HYDIN: variants seen among roughly 807,000 people sequenced by gnomAD.
The protein encoded by HYDIN is axonemal central pair apparatus protein HYDIN.
HYDIN carries 132 observed loss-of-function variants against 403.9 expected under a neutral mutation model. The ratio of observed to expected loss-of-function variants is 0.33; its 90% CI spans 0.28 to 0.38. The LOEUF (loss-of-function observed/expected upper bound fraction) is 0.38, where lower values mean the gene tolerates loss of function less well. Among genes scored for constraint, HYDIN ranks in the 10% least tolerant of loss-of-function variants. The probability of loss-of-function intolerance (pLI) is 1.00; values close to 1 mark genes in which losing one functional copy is unlikely to be tolerated. For missense variants in HYDIN, 2,827 were observed against 5,009.5 expected (o/e 0.56, Z 13.15); for synonymous variants, 1,202 against 1,891.7 (o/e 0.64, Z 9.46).
intron 10 of HYDIN, among the ~76,000 whole-genome samples, chr16:71,107,298 T>TA (rs1323263002): frequency 2.9e-5 from 4 of 138,594 alleles, no homozygotes; most frequent in African/African-American, 1.1e-4. Flanking sequence ...TAAAGCATAA[T>TA]AAAAAACAAG....
At chr16:70,810,813 C>T (rs1427155023) in intron 84 of HYDIN, among the ~76,000 whole-genome samples, 1 of 151,616 alleles carries the variant, frequency 6.6e-6, no homozygotes, top group Non-Finnish European at 1.5e-5. Context: ...GCCTGGGCAA[C>T]AGAGTGAGAC....
At chr16:71,096,379 T>A (rs551409065) in intron 10 of HYDIN, among the ~76,000 whole-genome samples, 1 of 152,256 alleles carries the variant, frequency 6.6e-6, no homozygotes, top group African/African-American at 2.4e-5. Flanking sequence ...GTAGCACTTA[T>A]TGAATATGTG....
intron 45 of HYDIN, among the ~76,000 whole-genome samples, chr16:70,927,853 C>A (rs61482142): frequency 1.3e-5 from 2 of 151,638 alleles, no homozygotes; most frequent in Non-Finnish European, 2.9e-5. Context: ...AACCTAGAGG[C>A]CTGCCTAGAA....
At chr16:71,167,720 T>C (rs1401178602) in intron 5 of HYDIN, among the ~76,000 whole-genome samples, 2 of 150,834 alleles carry the variant, frequency 1.3e-5, no homozygotes, top group African/African-American at 4.8e-5. Context: ...TATTCCAATC[T>C]CTGAAGTTAT....
Position 71,031,684 on chromosome 16 carries a change from A to C in HYDIN, c.2763T>G (p.His921Gln), listed in dbSNP as rs752362357. 2.2e-5 allele frequency: 35 copies of C among 1,597,060 alleles called. 2 individuals are homozygous for C. The Admixed American group carries it at 4.9e-4, about 22-fold the overall frequency. ...GGTCCATGAGATTTCCTTACCTAAA[A>C]TGTGCCCCCAAATTGAGTTCTGGAG... ...PFAPELNLGA[H>Q]FSLDTHYYHF... Residue 921 changes from histidine to glutamine, a missense_variant, in exon 19 of 86, where the codon CAT becomes CAG. Coordinates refer to ENST00000393567, the MANE Select transcript of HYDIN (RefSeq NM_001270974.2).
At chr16:70,886,247 G>A (rs1325688450) in intron 58 of HYDIN, among the ~76,000 whole-genome samples, 1 of 151,648 alleles carries the variant, frequency 6.6e-6, no homozygotes, top group African/African-American at 2.4e-5. Context: ...ATGCACCTCA[G>A]TTATAGTACA....
At chr16:71,224,864 G>A (rs888682890) in intron 1 of HYDIN, among the ~76,000 whole-genome samples, 10 of 152,282 alleles carry the variant, frequency 6.6e-5, no homozygotes, top group African/African-American at 2.4e-4. Flanking sequence ...CCCGGCCTAA[G>A]GTTTTTCTTT....
chr16:71,062,507 T>C (rs2082125668), intron 16 of HYDIN, 174 bp from the exon 17 acceptor site: 1 of 561,406 alleles, frequency 1.8e-6, no homozygotes. Context: ...TTTGGTTAAG[T>C]GGGATGTGCG....
intron 1 of HYDIN, among the ~76,000 whole-genome samples, chr16:71,227,214 A>G (rs2041074647): frequency 6.6e-6 from 1 of 152,136 alleles, no homozygotes; most frequent in African/African-American, 2.4e-5. Flanking sequence ...CAGAAACTTC[A>G]CCAAGTTCAC....
intron 58 of HYDIN, among the ~76,000 whole-genome samples, chr16:70,887,953 G>A (rs1308302057): frequency 6.6e-6 from 1 of 152,142 alleles, no homozygotes; most frequent in Non-Finnish European, 1.5e-5. Context: ...AAAGTGCTGG[G>A]ATTACAGGCA....
intron 23 of HYDIN, among the ~76,000 whole-genome samples, chr16:70,995,379 AG>A (rs1437947931): frequency 3.3e-5 from 5 of 152,318 alleles, no homozygotes; most frequent in Non-Finnish European, 5.9e-5. Context: ...TCATGGGAGA[AG>A]CCAGGAAAGA....
At chr16:71,037,216 C>T (rs1209924089) in intron 18 of HYDIN, among the ~76,000 whole-genome samples, 3 of 144,186 alleles carry the variant, frequency 2.1e-5, no homozygotes, top group Admixed American at 6.9e-5. Context: ...CAGGTAAAAT[C>T]TCAGCACAAT....
rs539439701 is a variant in HYDIN, at chr16:70,954,670, C to T, written c.6316+705G>A. ...AATTCTCCACCATGCAGCTGGCTGT[C>T]GGGTTGGCCGGCCCAGGCCCATTTG... On this transcript the variant is annotated intron_variant, in intron 40 of 85. Coordinates refer to ENST00000393567, the MANE Select transcript of HYDIN (RefSeq NM_001270974.2). Among the ~76,000 whole-genome samples, 11 of 152,276 alleles carry T rather than the reference C, an allele frequency of 7.2e-5. 1 individual carries two copies. The highest frequency in any genetic ancestry group is 6.2e-4 in the South Asian group (3 of 4,828).
rs192539166 is a variant in HYDIN, at chr16:71,224,326, T to A, written c.-24+6236A>T. Among the ~76,000 whole-genome samples, 50 of 152,238 alleles carry A rather than the reference T, an allele frequency of 3.3e-4. No individual in the cohort carries two copies. In the Middle Eastern group the frequency reaches 0.017, roughly 52 times the overall value. On this transcript the variant is annotated intron_variant, in intron 1 of 85. Transcript: ENST00000393567. Reference sequence around the variant, plus strand: ...GTAGGGTAAGGGATAAAAGACTACATATTGGGCATAGTGTACACTGCTCAG... The same window carrying A: ...GTAGGGTAAGGGATAAAAGACTACAAATTGGGCATAGTGTACACTGCTCAG...
In HYDIN at chr16:70,803,763, C is replaced by T. The variant is rs916238276; in HGVS notation, c.*3817G>A. 6.6e-6 allele frequency among the ~76,000 whole-genome samples: 1 copy of T among 152,164 alleles called. No homozygotes were observed. Among genetic ancestry groups the T allele is most frequent in the African/African-American group, 2.4e-5 (1 of 41,432 alleles). On this transcript the variant is annotated 3_prime_UTR_variant, in exon 86 of 86. Coordinates refer to ENST00000393567, the MANE Select transcript of HYDIN (RefSeq NM_001270974.2). ...GGTAGAGGTCTTGAAATGTAGCAGG[C>T]CCTCACCAATGTTACAGTATTGTCA...
chr16:70,840,332 C>G (rs1206497790), intron 75 of HYDIN, 99 bp from the exon 76 acceptor site: 7 of 1,079,776 alleles, frequency 6.5e-6, no homozygotes, highest in Non-Finnish European at 9.3e-6. Flanking sequence ...GGTGCTTTAA[C>G]AAATACAGGT....
At chr16:70,930,768 G>A (rs2077295592) in intron 45 of HYDIN, among the ~76,000 whole-genome samples, 1 of 152,122 alleles carries the variant, frequency 6.6e-6, no homozygotes, top group Non-Finnish European at 1.5e-5. Flanking sequence ...ACCAAAACTT[G>A]ATCCAACCAA....
chr16:71,070,916 C>T (rs949804752), intron 13 of HYDIN, among the ~76,000 whole-genome samples: 5 of 150,082 alleles, frequency 3.3e-5, no homozygotes, highest in Non-Finnish European at 7.4e-5. Context: ...TTTGTGATAA[C>T]ACACCTGCCA....
intron 11 of HYDIN, among the ~76,000 whole-genome samples, chr16:71,089,324 T>C (rs2083034737): frequency 6.6e-6 from 1 of 152,096 alleles, no homozygotes. Context: ...GAACCTTCAC[T>C]ACAGCCATGT....
Sources: gnomAD v4.1 joint callset for allele counts (sites outside exome capture counted in the v4.1 genomes callset) on GRCh38, gnomAD v4.1.1 for gene constraint, MANE v1.5 for transcripts, NCBI Gene and HGNC (gene_info 2026-07-23, HGNC 2026-07-21) for gene names.